The following SLC9A8 variants were observed in gnomAD, a reference collection of about 807,000 sequenced individuals.
SLC9A8 encodes solute carrier family 9 member A8.
A neutral mutation model predicts 66.6 loss-of-function variants in SLC9A8; 48 were observed. The ratio of observed to expected loss-of-function variants is 0.72; its 90% CI spans 0.57 to 0.92. The LOEUF (loss-of-function observed/expected upper bound fraction) is 0.92. SLC9A8 is among the 40% of genes least tolerant of loss of function. The pLI is 0.00. For synonymous variants in SLC9A8, 274 were observed against 282.6 expected, an observed-to-expected ratio of 0.97 and a Z score of 0.31; for missense variants, 599 against 747.3, an observed-to-expected ratio of 0.80 and a Z score of 2.31.
At position 49,873,436 on chromosome 20, in the gene SLC9A8, C is replaced by A. The variant is rs2089286889; in HGVS notation, c.959-1269C>A. On this transcript the variant is annotated intron_variant, in intron 10 of 15. Coordinates refer to ENST00000361573, the MANE Select transcript of SLC9A8 (RefSeq NM_015266.3). ...GATGGAGGTTGCAGTGAGCTGATACCACGCCATTGCACTCCAGCCTGGGCG... is the reference window on the plus strand; with the variant it reads ...GATGGAGGTTGCAGTGAGCTGATACAACGCCATTGCACTCCAGCCTGGGCG... 2.7e-5 allele frequency among the ~76,000 whole-genome samples: 4 copies of A among 149,332 alleles called. No homozygotes were observed. The Admixed American group carries it at 2.7e-4, about 10-fold the overall frequency.
intron 3 of SLC9A8, among the ~76,000 whole-genome samples, chr20:49,828,079 T>A (rs2086990922): frequency 6.8e-6 from 1 of 147,006 alleles, no homozygotes; most frequent in South Asian, 2.2e-4. Flanking sequence ...AAAAATTTTT[T>A]TTTTTTTTTT....
chr20:49,863,212 G>T, intron 9 of SLC9A8, 145 bp downstream of exon 9: 1 of 673,780 alleles, frequency 1.5e-6, no homozygotes, highest in Non-Finnish European at 2.4e-6. Flanking sequence ...GTTTTTGTTT[G>T]AGAAACACTC....
chr20:49,830,970 A>G (rs539344480), intron 3 of SLC9A8: 35 of 771,140 alleles, frequency 4.5e-5, no homozygotes, highest in African/African-American at 1.2e-4. Context: ...GCGCTGGGCA[A>G]TGCGGTCAAC....
rs772002027 is a variant in SLC9A8, at chr20:49,829,944, G to A, written c.289+6803G>A. ...ATCCAAGAGCAAAGTCCCCAGAAGCGGGGTCAGCCCCCAAAGAATGAGAAG... is the reference window on the plus strand; with the variant it reads ...ATCCAAGAGCAAAGTCCCCAGAAGCAGGGTCAGCCCCCAAAGAATGAGAAG... On this transcript the variant is annotated intron_variant, in intron 3 of 15. Transcript: ENST00000361573. 9 of 589,852 alleles carry A rather than the reference G, an allele frequency of 1.5e-5. 1 individual carries two copies. The highest frequency in any genetic ancestry group is 1.1e-4 in the South Asian group (8 of 71,954). 36.5% of individuals were successfully genotyped at this position (589,852 alleles called of 1,614,324 possible).
chr20:49,878,745 C>T lies in SLC9A8; in HGVS notation c.1158+682C>T, dbSNP rs550476333. Among the ~76,000 whole-genome samples, 6 of 152,254 alleles carry T rather than the reference C, an allele frequency of 3.9e-5. No individual in the cohort carries two copies. The East Asian group carries it at 7.7e-4, about 20-fold the overall frequency. On this transcript the variant is annotated intron_variant, in intron 12 of 15. Coordinates refer to ENST00000361573, the MANE Select transcript of SLC9A8 (RefSeq NM_015266.3). ...AGAAAGTATAATAGCCTAGGCTGGGCGCGGTGGCTCACACCTGTAATCTCA... is the reference window on the plus strand; with the variant it reads ...AGAAAGTATAATAGCCTAGGCTGGGTGCGGTGGCTCACACCTGTAATCTCA...
At chr20:49,861,563 C>T (rs956035597) in intron 8 of SLC9A8, among the ~76,000 whole-genome samples, 1 of 151,890 alleles carries the variant, frequency 6.6e-6, no homozygotes, top group Non-Finnish European at 1.5e-5. Flanking sequence ...AGAGGGGGAT[C>T]ATCTAGGCCA....
At chr20:49,836,504 A>G (rs955497732) in intron 3 of SLC9A8, among the ~76,000 whole-genome samples, 4 of 151,900 alleles carry the variant, frequency 2.6e-5, no homozygotes, top group Non-Finnish European at 4.4e-5. Flanking sequence ...TAATTTTTGT[A>G]TTTTTAGTAG....
At chr20:49,830,477 C>T in intron 3 of SLC9A8, 1 of 806,814 alleles carries the variant, frequency 1.2e-6, no homozygotes, top group Non-Finnish European at 2.2e-6. Flanking sequence ...TGCAAGGGAT[C>T]TGCCCTGGAA....
At chr20:49,874,655 A>C in intron 10 of SLC9A8, 50 bp from the exon 11 acceptor site, 1 of 1,139,868 alleles carries the variant, frequency 8.8e-7, no homozygotes, top group South Asian at 1.2e-5. Context: ...GTGAGATCTG[A>C]GTTGGGGATC....
chr20:49,830,399 C>A, intron 3 of SLC9A8: 1 of 832,386 alleles, frequency 1.2e-6, no homozygotes, highest in Non-Finnish European at 2.1e-6. Context: ...CAACCTGTGA[C>A]ATCACTTTCG....
intron 2 of SLC9A8, among the ~76,000 whole-genome samples, chr20:49,818,843 G>T (rs531492945): frequency 6.6e-6 from 1 of 152,280 alleles, no homozygotes; most frequent in South Asian, 2.1e-4. Context: ...TAGGTAACTT[G>T]CTAATTCATG....
chr20:49,884,106 G>A (rs749108432), intron 14 of SLC9A8, 40 bp downstream of exon 14: 1 of 1,568,800 alleles, frequency 6.4e-7, no homozygotes, highest in South Asian at 1.1e-5. Context: ...CAGGGGGCTG[G>A]CCTGCTACGC....
At chr20:49,823,370 C>T (rs901726134) in intron 3 of SLC9A8, among the ~76,000 whole-genome samples, 6 of 152,294 alleles carry the variant, frequency 3.9e-5, no homozygotes, top group African/African-American at 1.4e-4. Context: ...AAAGGCCATA[C>T]AGCTCTGTAC....
intron 7 of SLC9A8, among the ~76,000 whole-genome samples, 172 bp from the exon 8 acceptor site, chr20:49,855,266 C>T (rs2088425519): frequency 6.6e-6 from 1 of 152,216 alleles, no homozygotes; most frequent in Admixed American, 6.5e-5. Flanking sequence ...CTTTCATACT[C>T]CACCCACAAA....
chr20:49,828,395 A>G (rs1034191655), intron 3 of SLC9A8, among the ~76,000 whole-genome samples: 1 of 150,838 alleles, frequency 6.6e-6, no homozygotes, highest in African/African-American at 2.4e-5. Context: ...TTTTATATAT[A>G]TATTTTTTAG....
intron 12 of SLC9A8, among the ~76,000 whole-genome samples, chr20:49,880,673 T>G (rs1384994191): frequency 6.6e-6 from 1 of 152,210 alleles, no homozygotes; most frequent in Non-Finnish European, 1.5e-5. Flanking sequence ...GTCCGTCCTC[T>G]CTTTTCTGGC....
At chr20:49,839,684 G>T in intron 4 of SLC9A8, 85 bp downstream of exon 4, 1 of 809,766 alleles carries the variant, frequency 1.2e-6, no homozygotes, top group Non-Finnish European at 2.0e-6. Context: ...TATCAGTGGA[G>T]TTATTTATAT....
chr20:49,837,682 G>C (rs1212121107), intron 3 of SLC9A8, among the ~76,000 whole-genome samples: 1 of 152,084 alleles, frequency 6.6e-6, no homozygotes, highest in South Asian at 2.1e-4. Flanking sequence ...TGATTCTCCT[G>C]CCTCAGCCTC....
At chr20:49,870,215 A>G (rs761632275) in intron 10 of SLC9A8, among the ~76,000 whole-genome samples, 69 of 152,366 alleles carry the variant, frequency 4.5e-4, no homozygotes, top group Admixed American at 9.8e-4. Context: ...TAAACAACAC[A>G]AGATCAGTTT....
Sources: gnomAD v4.1 joint callset for allele counts (sites outside exome capture counted in the v4.1 genomes callset) on GRCh38, gnomAD v4.1.1 for gene constraint, MANE v1.5 for transcripts, NCBI Gene and HGNC (gene_info 2026-07-23, HGNC 2026-07-21) for gene names.